The following LRBA variants were observed in gnomAD, a reference collection of about 807,000 sequenced individuals.
The protein encoded by LRBA is lipopolysaccharide-responsive and beige-like anchor protein.
In LRBA, 176 loss-of-function variants were observed where a neutral mutation model predicts 330.0. The observed-to-expected ratio is 0.53, with a 90% CI of 0.47 to 0.60. LRBA has a LOEUF of 0.60. LRBA is among the 20% of genes least tolerant of loss of function. LRBA has a pLI of 0.00. For missense variants in LRBA, 3,259 were observed against 3,444.8 expected, an observed-to-expected ratio of 0.95 and a Z score of 1.35; for synonymous variants, 1,230 against 1,193.0, an observed-to-expected ratio of 1.03 and a Z score of -0.64.
chr4:150,551,933 AT>A (rs1482257376), intron 40 of LRBA, among the ~76,000 whole-genome samples: 1 of 152,010 alleles, frequency 6.6e-6, no homozygotes, highest in African/African-American at 2.4e-5. Context: ...GTGGAAGACA[AT>A]TTTTCCACAG....
At chr4:150,771,503 A>C (rs1476862458) in intron 34 of LRBA, among the ~76,000 whole-genome samples, 2 of 152,198 alleles carry the variant, frequency 1.3e-5, no homozygotes, top group Non-Finnish European at 2.9e-5. Context: ...CATTCTGTGA[A>C]TCCACAGATG....
intron 2 of LRBA, chr4:151,012,712 T>C (rs1744992437): frequency 1.3e-5 from 2 of 152,170 alleles, no homozygotes. Context: ...AATATGCATG[T>C]GTGTGTCTAT....
chr4:150,828,231 G>T lies in LRBA; in HGVS notation c.5120C>A (p.Ala1707Asp). The change falls in exon 30 of 57, where the codon GCC becomes GAC. Residue 1707 changes from alanine (A) to aspartate (D), a missense_variant. Physicochemically the swap from Ala to Asp is moderately radical, Grantham distance 126. Transcript: ENST00000651943. ...TTGTTCCACAGATAGATCACCAAGG[G>T]CTCCAAGGCAGGCTGGTGGCAGAAG... ...PALLPPACLG[A>D]LGDLSVEQPV... The T allele has an allele frequency of 1.2e-6, 2 of 1,614,048 alleles. No homozygotes were observed. Among genetic ancestry groups the T allele is most frequent in the Non-Finnish European group, 1.7e-6 (2 of 1,179,954 alleles).
intron 35 of LRBA, among the ~76,000 whole-genome samples, chr4:150,744,102 C>T (rs929228213): frequency 1.3e-5 from 2 of 152,000 alleles, no homozygotes; most frequent in Non-Finnish European, 2.9e-5. Context: ...CTCATTTAGG[C>T]ATTACAGACA....
chr4:150,311,295 A>G (rs1432994716), intron 51 of LRBA: 1 of 152,206 alleles, frequency 6.6e-6, no homozygotes. Flanking sequence ...ACAAGTAAGG[A>G]TTCTGATGCT....
At position 150,689,397 on chromosome 4, in the gene LRBA, A is replaced by G. The variant is rs572118462; in HGVS notation, c.5755-5680T>C. Among the ~76,000 whole-genome samples the G allele has an allele frequency of 6.6e-5, 10 of 152,270 alleles. No individual in the cohort carries two copies. In the South Asian group the frequency reaches 1.0e-3, roughly 16 times the overall value. On this transcript the variant is annotated intron_variant, in intron 36 of 56. Transcript: ENST00000651943. ...TGGGTGCAGCAAACCACAATGGAACATGTATAACTATGTAACAAACCTGCA... is the reference window on the plus strand; with the variant it reads ...TGGGTGCAGCAAACCACAATGGAACGTGTATAACTATGTAACAAACCTGCA...
intron 9 of LRBA, among the ~76,000 whole-genome samples, chr4:150,910,388 G>A (rs1400372554): frequency 6.6e-5 from 10 of 152,036 alleles, no homozygotes; most frequent in Non-Finnish European, 1.5e-4. Context: ...TTTCGCATCT[G>A]GATATCCAGT....
intron 2 of LRBA, among the ~76,000 whole-genome samples, chr4:150,943,052 C>T (rs1463054466): frequency 6.6e-6 from 1 of 151,962 alleles, no homozygotes; most frequent in Non-Finnish European, 1.5e-5. Flanking sequence ...TTATTGTACC[C>T]TTCATAAGAG....
intron 36 of LRBA, among the ~76,000 whole-genome samples, chr4:150,701,382 G>A (rs767397213): frequency 3.3e-5 from 5 of 152,080 alleles, no homozygotes; most frequent in African/African-American, 4.8e-5. Flanking sequence ...TTACACAGTC[G>A]TTTAATATCA....
chr4:150,505,388 C>T lies in LRBA; in HGVS notation c.6331-14353G>A, dbSNP rs538228579. 4.6e-5 allele frequency among the ~76,000 whole-genome samples: 7 copies of T among 152,290 alleles called. No homozygotes were observed. The East Asian group carries it at 1.2e-3, about 25-fold the overall frequency. On this transcript the variant is annotated intron_variant, in intron 40 of 56. Coordinates refer to ENST00000651943, the MANE Select transcript of LRBA (RefSeq NM_001364905.1). ...AAATTATAACAAACTGTCTCTCAGA[C>T]CACAGTGCAATCAAACTAGAACTCA...
chr4:150,841,168 G>T, intron 28 of LRBA: 1 of 217,462 alleles, frequency 4.6e-6, no homozygotes, highest in Non-Finnish European at 9.6e-6. Flanking sequence ...TGCTGCTAAT[G>T]ATATTAATAT....
At chr4:150,984,400 T>C (rs1741197147) in intron 2 of LRBA, among the ~76,000 whole-genome samples, 1 of 151,968 alleles carries the variant, frequency 6.6e-6, no homozygotes. Flanking sequence ...TTCCAGCTAC[T>C]CTGGAGGCTG....
chr4:150,664,670 T>C (rs1225693012), intron 37 of LRBA, among the ~76,000 whole-genome samples: 1 of 152,192 alleles, frequency 6.6e-6, no homozygotes, highest in Non-Finnish European at 1.5e-5. Flanking sequence ...GCACATTATA[T>C]AATTCCAAGG....
chr4:150,439,874 T>C (rs1323767081), intron 44 of LRBA, among the ~76,000 whole-genome samples: 1 of 152,180 alleles, frequency 6.6e-6, no homozygotes, highest in African/African-American at 2.4e-5. Context: ...AAAGATGATC[T>C]GAATTCAACT....
rs191426854 is a variant in LRBA at position 150,506,725 on chromosome 4, C to G, written c.6331-15690G>C. Among the ~76,000 whole-genome samples, 11 of 152,226 alleles carry G rather than the reference C, an allele frequency of 7.2e-5. No homozygotes were observed. The East Asian group carries it at 1.9e-3, about 27-fold the overall frequency. On this transcript the variant is annotated intron_variant, in intron 40 of 56. Transcript: ENST00000651943. ...TCAACATAGTGTTGGAAGTTCTGGCCAGGGCAATCCGTCAGGAGAAAGAAA... is the reference window on the plus strand; with the variant it reads ...TCAACATAGTGTTGGAAGTTCTGGCGAGGGCAATCCGTCAGGAGAAAGAAA...
intron 47 of LRBA, among the ~76,000 whole-genome samples, chr4:150,399,716 T>C (rs891064418): frequency 2.0e-5 from 3 of 152,152 alleles, no homozygotes; most frequent in African/African-American, 4.8e-5. Context: ...TGGTGGCTTA[T>C]ATGAGTAGTC....
At chr4:150,489,298 T>TATATTATATATAAGAATATATAAA (rs1758453502) in intron 41 of LRBA, among the ~76,000 whole-genome samples, 1 of 99,794 alleles carries the variant, frequency 1.0e-5, no homozygotes, top group African/African-American at 4.1e-5. Flanking sequence ...GAATATATAA[T>TATATTATATATAAGAATATATAAA]ATATTATATA....
intron 37 of LRBA, among the ~76,000 whole-genome samples, chr4:150,612,109 C>T (rs1775331358): frequency 6.6e-6 from 1 of 152,046 alleles, no homozygotes; most frequent in South Asian, 2.1e-4. Flanking sequence ...CGCCCCTTTG[C>T]CCAGGCTGTA....
Position 151,003,413 on chromosome 4 carries a change from A to C in LRBA, c.216+11014T>G, listed in dbSNP as rs1159753590. 2.9e-5 allele frequency among the ~76,000 whole-genome samples: 4 copies of C among 136,746 alleles called. 1 individual carries two copies. Among genetic ancestry groups the C allele is most frequent in the African/African-American group, 8.0e-5 (3 of 37,378 alleles). 89.7% of individuals were successfully genotyped at this position (136,746 alleles called of 152,430 possible). ...TTCGGTTTCAAAAAAAAAAAAAAAA[A>C]CAAAATCCTAAAACTCATATGGAAC... is the stretch of plus-strand genomic sequence containing the variant. On this transcript the variant is annotated intron_variant, in intron 2 of 56. Coordinates refer to ENST00000651943, the MANE Select transcript of LRBA (RefSeq NM_001364905.1).
Sources: allele counts gnomAD v4.1 joint callset (sites outside exome capture counted in the v4.1 genomes callset), GRCh38; gene constraint gnomAD v4.1.1; transcripts MANE v1.5; gene names NCBI Gene and HGNC (gene_info 2026-07-23, HGNC 2026-07-21).